The following CTDSP2 variants were observed in gnomAD, a reference collection of about 807,000 sequenced individuals.
The protein encoded by CTDSP2 is carboxy-terminal domain RNA polymerase II polypeptide A small phosphatase 2.
A neutral mutation model predicts 31.6 loss-of-function variants in CTDSP2; 9 were observed. The observed-to-expected ratio is 0.28, with a 90% CI of 0.17 to 0.50. The LOEUF is 0.50. CTDSP2 is among the 20% of genes least tolerant of loss of function. The pLI, the probability that CTDSP2 is intolerant of heterozygous loss-of-function variation, is 0.98. For missense variants in CTDSP2, 267 were observed against 348.5 expected (o/e 0.77, Z 1.86); for synonymous variants, 134 against 134.5 (o/e 1.00, Z 0.03).
At chr12:57,843,113 T>G (rs1378882315) in intron 1 of CTDSP2, among the ~76,000 whole-genome samples, 1 of 152,132 alleles carries the variant, frequency 6.6e-6, no homozygotes, top group African/African-American at 2.4e-5. Context: ...AAAAAATCTC[T>G]GATTCCTCCA....
chr12:57,828,823 C>T (rs571437582), intron 2 of CTDSP2, among the ~76,000 whole-genome samples: 9 of 152,306 alleles, frequency 5.9e-5, no homozygotes, highest in South Asian at 2.1e-4. Flanking sequence ...TTTTGTTGGT[C>T]GGGGCTGGCC....
Position 57,820,854 on chromosome 12 carries a change from A to T in CTDSP2, c.*2748T>A, listed in dbSNP as rs1029381455. 3.3e-5 allele frequency: 5 copies of T among 151,976 alleles called. No homozygotes were observed. Among genetic ancestry groups the T allele is most frequent in the Admixed American group, 3.3e-4 (5 of 15,282 alleles). The allele number at this position is 151,976 out of a possible 1,614,324, so 9.4% of individuals were successfully genotyped here. ...CATCAGGCTTTTGATTTAGAAGCCC[A>T]ATCAGAGAGACACACTGTGTCCCTG... is the stretch of plus-strand genomic sequence containing the variant. On this transcript the variant is annotated 3_prime_UTR_variant, in exon 8 of 8. Coordinates refer to ENST00000398073, the MANE Select transcript of CTDSP2 (RefSeq NM_005730.4).
rs868709875 is a variant in CTDSP2 at position 57,823,938 on chromosome 12, G to A, written c.656C>T (p.Ser219Leu). 1.9e-6 allele frequency: 3 copies of A among 1,613,946 alleles called. No homozygotes were observed. Among genetic ancestry groups the A allele is most frequent in the Non-Finnish European group, 8.5e-7 (1 of 1,180,024 alleles). ...GGGGTGGAATATGTAAGAAGCAGGC[G>A]AGTTGTCCAGGATGAGGGTCTTTCT... Reference protein sequence around the residue: ...DLRKTLILDNSPASYIFHPEN... With the variant: ...DLRKTLILDNLPASYIFHPEN... Residue 219 changes from serine (S) to leucine (L), a missense_variant, in exon 7 of 8, where the codon TCG (serine) becomes TTG (leucine). Physicochemically the swap from Ser to Leu is moderately radical, Grantham distance 145 (BLOSUM62 -2). Around this residue, in one of 2 missense-constraint regions of CTDSP2, gnomAD observed 156 missense variants for 241.3 expected, o/e 0.65. Coordinates refer to ENST00000398073, the MANE Select transcript of CTDSP2 (RefSeq NM_005730.4).
chr12:57,823,531 C>T lies in CTDSP2; in HGVS notation c.*71G>A. On this transcript the variant is annotated 3_prime_UTR_variant, in exon 8 of 8. Coordinates refer to ENST00000398073, the MANE Select transcript of CTDSP2 (RefSeq NM_005730.4). ...TGAGGCACTCCAGCTTCTACTCTGTCACGCTGATCGTAAAGGCACAGTGTG... is the reference window on the plus strand; with the variant it reads ...TGAGGCACTCCAGCTTCTACTCTGTTACGCTGATCGTAAAGGCACAGTGTG... The T allele has an allele frequency of 6.4e-7, 1 of 1,568,982 alleles. No homozygotes were observed. Among genetic ancestry groups the T allele is most frequent in the Non-Finnish European group, 8.7e-7 (1 of 1,154,552 alleles).
At chr12:57,839,650 G>A (rs755993622) in intron 1 of CTDSP2, among the ~76,000 whole-genome samples, 10 of 152,134 alleles carry the variant, frequency 6.6e-5, no homozygotes, top group South Asian at 2.1e-4. Context: ...CCCAGGAGGT[G>A]GAGCTTGCAG....
chr12:57,841,954 G>A (rs868597364), intron 1 of CTDSP2, among the ~76,000 whole-genome samples: 3 of 152,252 alleles, frequency 2.0e-5, no homozygotes, highest in Admixed American at 6.5e-5. Context: ...AGGAAAAGAA[G>A]GTATTTGAAC....
At chr12:57,823,767 G>A (rs1429271342) in intron 7 of CTDSP2, 40 bp from the exon 8 acceptor site, 1 of 1,612,670 alleles carries the variant, frequency 6.2e-7, no homozygotes, top group Admixed American at 1.7e-5. Flanking sequence ...CCCGACTGCT[G>A]CTTCCCCCTC....
At chr12:57,827,614 A>G (rs1318230666) in intron 2 of CTDSP2, 24 bp from the exon 3 acceptor site, 1 of 1,611,542 alleles carries the variant, frequency 6.2e-7, no homozygotes, top group Admixed American at 1.7e-5. Context: ...GGAGGTGGTC[A>G]GTGCCATCTC....
intron 5 of CTDSP2, 54 bp downstream of exon 5, chr12:57,826,292 C>T: frequency 6.4e-7 from 1 of 1,553,868 alleles, no homozygotes. Flanking sequence ...ACAGGTGAGG[C>T]AGAAGGCAGA....
At chr12:57,831,973 T>C (rs2140478183) in intron 1 of CTDSP2, among the ~76,000 whole-genome samples, 2 of 152,282 alleles carry the variant, frequency 1.3e-5, no homozygotes, top group South Asian at 4.1e-4. Context: ...GATCAAACTA[T>C]TCCACAGGAC....
intron 1 of CTDSP2, 144 bp downstream of exon 1, chr12:57,846,228 C>G (rs916350333): frequency 1.5e-6 from 1 of 687,280 alleles, no homozygotes; most frequent in Non-Finnish European, 2.3e-6. Flanking sequence ...AGCCGGGATG[C>G]GGGGGCGGAT....
intron 5 of CTDSP2, 130 bp downstream of exon 5, chr12:57,826,216 G>C (rs1956181740): frequency 1.7e-6 from 1 of 598,572 alleles, no homozygotes; most frequent in Non-Finnish European, 2.8e-6. Flanking sequence ...AAAAGGGGAG[G>C]CTGGAGTTAT....
chr12:57,835,783 G>C (rs1194597615), intron 1 of CTDSP2, among the ~76,000 whole-genome samples: 1 of 152,174 alleles, frequency 6.6e-6, no homozygotes, highest in Non-Finnish European at 1.5e-5. Flanking sequence ...CTACTGAGGC[G>C]GGGTGTGAGG....
At chr12:57,827,437 G>A in intron 3 of CTDSP2, 115 bp downstream of exon 3, 1 of 1,158,044 alleles carries the variant, frequency 8.6e-7, no homozygotes, top group Non-Finnish European at 1.3e-6. Flanking sequence ...TGGCTTCCCA[G>A]GTCAGGGAGG....
At chr12:57,837,759 T>C (rs925906573) in intron 1 of CTDSP2, among the ~76,000 whole-genome samples, 2 of 152,172 alleles carry the variant, frequency 1.3e-5, no homozygotes, top group Non-Finnish European at 2.9e-5. Context: ...GTTTGGCCCA[T>C]ACCAGCATGT....
intron 4 of CTDSP2, 103 bp downstream of exon 4, chr12:57,826,893 A>C: frequency 1.1e-6 from 1 of 914,864 alleles, no homozygotes; most frequent in East Asian, 2.4e-5. Flanking sequence ...TTTCCCTTCT[A>C]ATCACTCTTC....
At chr12:57,824,615 C>T (rs1438096961) in intron 5 of CTDSP2, 1 of 596,684 alleles carries the variant, frequency 1.7e-6, no homozygotes, top group African/African-American at 1.8e-5. Flanking sequence ...CATCAGCTGC[C>T]TCCAGAAACA....
intron 1 of CTDSP2, among the ~76,000 whole-genome samples, chr12:57,830,897 C>T (rs951791852): frequency 1.3e-5 from 2 of 151,652 alleles, no homozygotes; most frequent in African/African-American, 4.8e-5. Flanking sequence ...TACAGCCATG[C>T]GCCACCACGC....
At chr12:57,824,786 C>G in intron 5 of CTDSP2, 1 of 449,618 alleles carries the variant, frequency 2.2e-6, no homozygotes, top group Non-Finnish European at 4.6e-6. Context: ...GACTTTTTCC[C>G]CTCAATGACC....
Sources: gnomAD v4.1 joint callset for allele counts (sites outside exome capture counted in the v4.1 genomes callset) on GRCh38, gnomAD v4.1.1 for gene constraint, gnomAD v4.1.1 regional missense constraint, MANE v1.5 for transcripts, NCBI Gene and HGNC (gene_info 2026-07-23, HGNC 2026-07-21) for gene names.